The following PPP1R9B variants were observed in gnomAD, a reference collection of about 807,000 sequenced individuals.
PPP1R9B encodes the protein protein phosphatase 1 regulatory subunit 9B, also known as neurabin-2.
In PPP1R9B, 17 loss-of-function variants were observed where a neutral mutation model predicts 75.8. The ratio of observed to expected loss-of-function variants is 0.22; its 90% CI spans 0.15 to 0.34. The LOEUF (loss-of-function observed/expected upper bound fraction) is 0.34, where lower values mean the gene tolerates loss of function less well. Among genes scored for constraint, PPP1R9B ranks in the 10% least tolerant of loss-of-function variants. The pLI, the probability that PPP1R9B is intolerant of heterozygous loss-of-function variation, is 1.00. For missense variants in PPP1R9B, 875 were observed against 1,196.0 expected, an observed-to-expected ratio of 0.73 and a Z score of 3.96; for synonymous variants, 509 against 535.4, an observed-to-expected ratio of 0.95 and a Z score of 0.68.
chr17:50,143,454 G>A (rs1189804692), intron 3 of PPP1R9B, 144 bp downstream of exon 3: 2 of 1,030,030 alleles, frequency 1.9e-6, no homozygotes, highest in Admixed American at 4.6e-5. Flanking sequence ...GCATGGCAGT[G>A]CTCCCCGAAC....
At position 50,142,350 on chromosome 17, in the gene PPP1R9B, G is replaced by A. The variant is rs142266211; in HGVS notation, c.1626-977C>T. Reference sequence around the variant, plus strand: ...ACCCCAACACATGCCACTCCCAGGTGGGCATGAGTGAGTGGCCACGGCCAC... The same window carrying A: ...ACCCCAACACATGCCACTCCCAGGTAGGCATGAGTGAGTGGCCACGGCCAC... On this transcript the variant is annotated intron_variant, in intron 3 of 9. Transcript: ENST00000612501. The surrounding 1 kb of genome is among the most constrained non-coding windows in gnomAD (Gnocchi z 4.1). Among the ~76,000 whole-genome samples, 126 of 152,294 alleles carry A rather than the reference G, an allele frequency of 8.3e-4. No individual in the cohort carries two copies. The Middle Eastern group carries it at 0.014, about 16-fold the overall frequency.
Position 50,138,195 on chromosome 17 carries a change from T to TGC in PPP1R9B, c.2073+1066_2073+1067dup, listed in dbSNP as rs1491339007. Among the ~76,000 whole-genome samples, 692 of 145,086 alleles carry TGC rather than the reference T, an allele frequency of 4.8e-3. 10 individuals are homozygous for TGC. Among genetic ancestry groups the TGC allele is most frequent in the Admixed American group, 0.016 (234 of 14,708 alleles). On this transcript the variant is annotated intron_variant, in intron 7 of 9. Coordinates refer to ENST00000612501, the MANE Select transcript of PPP1R9B (RefSeq NM_032595.5). ...GTGTGTGTGTGTGTGTGTGTGTGTG[T>TGC]GCCACGTGTCTCCATCTGGGGTCGG...
In PPP1R9B at chr17:50,139,079, G is replaced by A. The variant is rs1912302236; in HGVS notation, c.2073+184C>T. ...GAGGCACAGAGAAGCAAGTGATGCT[G>A]GAGCAGATGGATCCAGAGCTTAAGC... On this transcript the variant is annotated intron_variant, in intron 7 of 9. Coordinates refer to ENST00000612501, the MANE Select transcript of PPP1R9B (RefSeq NM_032595.5). This position sits in a 1 kb window ranked among gnomAD's most constrained non-coding sequence, Gnocchi z 5.0. Among the ~76,000 whole-genome samples the A allele has an allele frequency of 6.6e-6, 1 of 152,220 alleles. No individual in the cohort carries two copies. Among genetic ancestry groups the A allele is most frequent in the Admixed American group, 6.5e-5 (1 of 15,278 alleles).
chr17:50,149,569 G>C lies in PPP1R9B; in HGVS notation c.945C>G (p.Pro315=), dbSNP rs563936018. 1.9e-6 allele frequency: 3 copies of C among 1,582,710 alleles called. No individual in the cohort carries two copies. Among genetic ancestry groups the C allele is most frequent in the Non-Finnish European group, 2.6e-6 (3 of 1,167,972 alleles). The change falls in exon 1 of 10, where the codon CCC becomes CCG. Residue 315 remains proline, a synonymous_variant. Coordinates refer to ENST00000612501, the MANE Select transcript of PPP1R9B (RefSeq NM_032595.5). The surrounding 1 kb of genome is among the most constrained non-coding windows in gnomAD (Gnocchi z 7.2). ...ESGESEAESA[P]GEVIQAEVTV... is the part of the protein sequence containing the mutation. The stretch of plus-strand genomic sequence containing the variant: ...TAACCTCGGCCTGGATCACCTCCCC[G>C]GGCGCCGACTCGGCCTCCGACTCCC...
intron 9 of PPP1R9B, 58 bp downstream of exon 9, chr17:50,135,495 A>C (rs1912200788): frequency 6.3e-7 from 1 of 1,577,056 alleles, no homozygotes; most frequent in Non-Finnish European, 8.7e-7. Context: ...CCCACAGGGT[A>C]GGGGCTTCAA....
intron 7 of PPP1R9B, among the ~76,000 whole-genome samples, chr17:50,136,475 G>A (rs535574334): frequency 2.6e-4 from 39 of 152,246 alleles, no homozygotes; most frequent in African/African-American, 8.7e-4. Context: ...CTGACTTGGC[G>A]CAATGCAACT....
At position 50,135,092 on chromosome 17, in the gene PPP1R9B, G is replaced by A. The variant is rs1430939253; in HGVS notation, c.*239C>T. ...GGCAGCCCTCGGCCTCTGTGCCTCAGCCCCATGGGGCAAGAAAGAGGCTGC... is the reference window on the plus strand; with the variant it reads ...GGCAGCCCTCGGCCTCTGTGCCTCAACCCCATGGGGCAAGAAAGAGGCTGC... On this transcript the variant is annotated 3_prime_UTR_variant, in exon 10 of 10. Transcript: ENST00000612501. The A allele has an allele frequency of 1.7e-6, 1 of 576,282 alleles. No homozygotes were observed. The highest frequency in any genetic ancestry group is 3.1e-6 in the Non-Finnish European group (1 of 321,292). 35.7% of individuals were successfully genotyped at this position (576,282 alleles called of 1,614,324 possible). A position where few individuals can be genotyped will look rare whatever the true frequency, so the allele number is the denominator to read the frequency against.
chr17:50,136,738 C>G (rs1156647653), intron 7 of PPP1R9B, among the ~76,000 whole-genome samples: 1 of 151,328 alleles, frequency 6.6e-6, no homozygotes, highest in Non-Finnish European at 1.5e-5. Context: ...AGCTCAGTTC[C>G]GGATCCTCTG....
chr17:50,147,289 GT>G (rs1449584781), intron 1 of PPP1R9B, among the ~76,000 whole-genome samples: 2 of 152,218 alleles, frequency 1.3e-5, no homozygotes, highest in Non-Finnish European at 1.5e-5. Flanking sequence ...CTGGAATTGG[GT>G]TCTCTGCCCT....
rs373978038 is a variant in PPP1R9B, at chr17:50,149,247, G to A, written c.1267C>T (p.Pro423Ser). The change falls in exon 1 of 10, where the codon CCC (proline) becomes TCC (serine). Residue 423 changes from proline to serine, a missense_variant. By Grantham distance (74) the Pro-to-Ser change is moderately conservative. Transcript: ENST00000612501. The surrounding 1 kb of genome is among the most constrained non-coding windows in gnomAD (Gnocchi z 7.2). Reference protein sequence around the residue: ...DDEDDEEDGEPPYEPESGCVE... With the variant: ...DDEDDEEDGESPYEPESGCVE... ...CACCCCGACTCGGGCTCGTAGGGGG[G>A]CTCCCCATCCTCCTCGTCGTCTTCG... 14 of 1,611,338 alleles carry A rather than the reference G, an allele frequency of 8.7e-6. No individual in the cohort carries two copies. Among genetic ancestry groups the A allele is most frequent in the Admixed American group, 1.7e-5 (1 of 59,874 alleles).
At chr17:50,138,861 C>T (rs1204671587) in intron 7 of PPP1R9B, among the ~76,000 whole-genome samples, 1 of 152,204 alleles carries the variant, frequency 6.6e-6, no homozygotes, top group African/African-American at 2.4e-5. Flanking sequence ...CTGGCTGAAG[C>T]AGTCTGCCTT....
chr17:50,138,801 T>C (rs995670488), intron 7 of PPP1R9B, among the ~76,000 whole-genome samples: 2 of 152,170 alleles, frequency 1.3e-5, no homozygotes, highest in African/African-American at 4.8e-5. Context: ...ATTTTTGTAT[T>C]GTTTGTAGAG....
intron 7 of PPP1R9B, 85 bp from the exon 8 acceptor site, chr17:50,136,282 G>A (rs557523001): frequency 5.5e-5 from 63 of 1,146,008 alleles, no homozygotes; most frequent in African/African-American, 1.8e-4. Context: ...GGCCAGAGTC[G>A]CCAGGGGATT....
Position 50,139,237 on chromosome 17 carries a change from A to C in PPP1R9B, c.2073+26T>G, listed in dbSNP as rs554194884. Reference sequence around the variant, plus strand: ...CCTCAACACACACATGCACGCACGCAAAAGCACACACATACGCACCCTTAC... The same window carrying C: ...CCTCAACACACACATGCACGCACGCCAAAGCACACACATACGCACCCTTAC... On this transcript the variant is annotated intron_variant, in intron 7 of 9. Coordinates refer to ENST00000612501, the MANE Select transcript of PPP1R9B (RefSeq NM_032595.5). The surrounding 1 kb of genome is among the most constrained non-coding windows in gnomAD (Gnocchi z 5.0). The C allele has an allele frequency of 1.4e-5, 23 of 1,613,980 alleles. No individual in the cohort carries two copies. Among genetic ancestry groups the C allele is most frequent in the Admixed American group, 1.3e-4 (8 of 60,028 alleles).
rs1314944845 is a variant in PPP1R9B, at chr17:50,139,606, G to A, written c.1867-25C>T. On this transcript the variant is annotated intron_variant, in intron 5 of 9. Coordinates refer to ENST00000612501, the MANE Select transcript of PPP1R9B (RefSeq NM_032595.5). This position sits in a 1 kb window ranked among gnomAD's most constrained non-coding sequence, Gnocchi z 5.0. Reference sequence around the variant, plus strand: ...TCTGCGAAGGGAGACCGGAGACTGTGGGCCCACCCCACCCAGCTGCCCTCA... The same window carrying A: ...TCTGCGAAGGGAGACCGGAGACTGTAGGCCCACCCCACCCAGCTGCCCTCA... The A allele has an allele frequency of 6.6e-7, 1 of 1,523,740 alleles. No individual in the cohort carries two copies. The highest frequency in any genetic ancestry group is 8.8e-7 in the Non-Finnish European group (1 of 1,135,680). The allele number at this position is 1,523,740 out of a possible 1,614,324, so 94.4% of individuals were successfully genotyped here.
rs1207123194 is a variant in PPP1R9B, at chr17:50,135,100, G to A, written c.*231C>T. On this transcript the variant is annotated 3_prime_UTR_variant, in exon 10 of 10. Coordinates refer to ENST00000612501, the MANE Select transcript of PPP1R9B (RefSeq NM_032595.5). Reference sequence around the variant, plus strand: ...TCGGCCTCTGTGCCTCAGCCCCATGGGGCAAGAAAGAGGCTGCCCTTCTAG... The same window carrying A: ...TCGGCCTCTGTGCCTCAGCCCCATGAGGCAAGAAAGAGGCTGCCCTTCTAG... 2 of 583,344 alleles carry A rather than the reference G, an allele frequency of 3.4e-6. No individual in the cohort carries two copies. The highest frequency in any genetic ancestry group is 6.1e-6 in the Non-Finnish European group (2 of 325,588). 36.1% of individuals were successfully genotyped at this position (583,344 alleles called of 1,614,324 possible).
Position 50,139,139 on chromosome 17 carries a change from A to T in PPP1R9B, c.2073+124T>A. ...CGTATCTATCATATCATCTTGCTTT[A>T]GAGCAGCTTGTTCTGTGGGTACCTG... On this transcript the variant is annotated intron_variant, in intron 7 of 9. Transcript: ENST00000612501. This position sits in a 1 kb window ranked among gnomAD's most constrained non-coding sequence, Gnocchi z 5.0. The T allele has an allele frequency of 1.9e-6, 2 of 1,058,814 alleles. No homozygotes were observed. The highest frequency in any genetic ancestry group is 2.9e-6 in the Non-Finnish European group (2 of 679,986). 65.6% of individuals were successfully genotyped at this position (1,058,814 alleles called of 1,614,324 possible). A position where few individuals can be genotyped will look rare whatever the true frequency, so the allele number is the denominator to read the frequency against.
intron 7 of PPP1R9B, among the ~76,000 whole-genome samples, chr17:50,137,022 C>G (rs967318394): frequency 2.6e-5 from 4 of 152,220 alleles, no homozygotes. Context: ...ATCCCTTGCT[C>G]TCTGTCCCCC....
chr17:50,140,066 G>A (rs375275617), intron 5 of PPP1R9B, 27 bp downstream of exon 5: 35 of 1,609,822 alleles, frequency 2.2e-5, no homozygotes, highest in African/African-American at 1.3e-4. Context: ...GGGCGACCAC[G>A]CGGCCAGCCA....
Sources: gnomAD v4.1 joint callset for allele counts (sites outside exome capture counted in the v4.1 genomes callset) on GRCh38, gnomAD v4.1.1 for gene constraint, Gnocchi (gnomAD v3.1) non-coding constraint, MANE v1.5 for transcripts, NCBI Gene and HGNC (gene_info 2026-07-23, HGNC 2026-07-21) for gene names.